The following FRMPD3 variants were observed in gnomAD, a reference collection of about 807,000 sequenced individuals.
The protein encoded by FRMPD3 is FERM and PDZ domain-containing protein 3.
Under a neutral mutation model 97.9 loss-of-function variants are expected in FRMPD3, and 42 were observed. The ratio of observed to expected loss-of-function variants is 0.43; its 90% CI spans 0.34 to 0.55. The LOEUF (loss-of-function observed/expected upper bound fraction) is 0.55. Ranked by LOEUF, FRMPD3 falls within the 20% of genes least tolerant of loss-of-function variation. FRMPD3 has a pLI of 0.03. For missense variants in FRMPD3, 1,303 were observed against 1,457.7 expected, an observed-to-expected ratio of 0.89 and a Z score of 1.73; for synonymous variants, 577 against 581.1, an observed-to-expected ratio of 0.99 and a Z score of 0.10.
intron 13 of FRMPD3, among the ~76,000 whole-genome samples, chrX:107,586,273 G>A (rs577357053): frequency 2.1e-4 from 24 of 111,651 alleles, no homozygotes; most frequent in Middle Eastern, 9.2e-3. Context: ...GTATTTCTGT[G>A]GGGTCAGTAG....
chrX:107,551,342 T>C (rs1442902501), intron 6 of FRMPD3, among the ~76,000 whole-genome samples: 1 of 111,414 alleles, frequency 9.0e-6, no homozygotes, highest in Admixed American at 9.5e-5. Context: ...GAAACAGAAC[T>C]AGACCACCCA....
intron 14 of FRMPD3, among the ~76,000 whole-genome samples, chrX:107,598,369 G>A (rs1412625819): frequency 8.9e-6 from 1 of 112,366 alleles, no homozygotes; most frequent in Non-Finnish European, 1.9e-5. Flanking sequence ...CATCTCTTTG[G>A]AAATGCCTTA....
chrX:107,599,781 C>T (rs1924401717), intron 14 of FRMPD3, among the ~76,000 whole-genome samples: 1 of 110,630 alleles, frequency 9.0e-6, no homozygotes, highest in Non-Finnish European at 1.9e-5. Context: ...CTTCTTATAG[C>T]TTGCCCCTCT....
Position 107,602,772 on chromosome X carries a change from A to G in FRMPD3, c.4733A>G (p.Asn1578Ser), listed in dbSNP as rs916828397. The change falls in exon 15 of 15, where the codon AAT (asparagine) becomes AGT (serine). Residue 1578 changes from asparagine to serine, a missense_variant. This residue lies in a region of FRMPD3 where 764 missense variants were observed against 820.2 expected (regional missense o/e 0.93). Coordinates refer to ENST00000683843, the MANE Select transcript of FRMPD3 (RefSeq NM_001388459.1). ...TTCGAGGGGAGCCTGGCCAAGATCA[A>G]TGCCCTGCGGGCCCATGCCTATGGC... is the stretch of plus-strand genomic sequence containing the variant. ...STFEGSLAKI[N>S]ALRAHAYGLP... 1.2e-5 allele frequency: 15 copies of G among 1,208,966 alleles called. No individual in the cohort carries two copies. The highest frequency in any genetic ancestry group is 1.2e-4 in the African/African-American group (7 of 57,519).
intron 1 of FRMPD3, among the ~76,000 whole-genome samples, chrX:107,504,082 G>T (rs907939662): frequency 8.9e-6 from 1 of 112,480 alleles, no homozygotes; most frequent in South Asian, 3.6e-4. Context: ...GAACAGCCTG[G>T]ATGAGATGGA....
At chrX:107,482,080 G>A (rs1031862077) in intron 1 of FRMPD3, among the ~76,000 whole-genome samples, 4 of 111,147 alleles carry the variant, frequency 3.6e-5, no homozygotes, top group Admixed American at 2.9e-4. Context: ...CAAAACCCCC[G>A]TGAGCTGAGA....
At chrX:107,458,086 G>A (rs1429499103) in intron 1 of FRMPD3, among the ~76,000 whole-genome samples, 1 of 111,443 alleles carries the variant, frequency 9.0e-6, no homozygotes. Flanking sequence ...CTCCTCTGCC[G>A]TCTGGAACAT....
intron 1 of FRMPD3, among the ~76,000 whole-genome samples, chrX:107,452,939 T>A (rs757946055): frequency 5.5e-5 from 6 of 109,734 alleles, no homozygotes; most frequent in African/African-American, 1.7e-4. Flanking sequence ...CAGAGGAGTC[T>A]CGGGTGGGAT....
chrX:107,586,556 C>T (rs1364639345), intron 13 of FRMPD3, among the ~76,000 whole-genome samples: 1 of 111,316 alleles, frequency 9.0e-6, no homozygotes, highest in Non-Finnish European at 1.9e-5. Flanking sequence ...GATTTTAGAT[C>T]TTTCTAGCTT....
intron 12 of FRMPD3, among the ~76,000 whole-genome samples, chrX:107,569,898 C>G (rs891682075): frequency 2.7e-5 from 3 of 110,111 alleles, no homozygotes; most frequent in African/African-American, 1.0e-4. Flanking sequence ...CGCCTGTAAT[C>G]CCAGCTACTC....
At chrX:107,553,834 T>G (rs1921964214) in intron 7 of FRMPD3, among the ~76,000 whole-genome samples, 1 of 111,910 alleles carries the variant, frequency 8.9e-6, no homozygotes, top group African/African-American at 3.2e-5. Flanking sequence ...AATGGGATTT[T>G]AAACTTTTTT....
intron 1 of FRMPD3, among the ~76,000 whole-genome samples, chrX:107,507,758 G>C (rs1454526750): frequency 1.8e-5 from 2 of 112,286 alleles, no homozygotes; most frequent in African/African-American, 6.5e-5. Context: ...GGGGAGAGGG[G>C]CCTGAGATCC....
chrX:107,492,799 G>A, intron 1 of FRMPD3, among the ~76,000 whole-genome samples: 1 of 111,869 alleles, frequency 8.9e-6, no homozygotes, highest in Non-Finnish European at 1.9e-5. Flanking sequence ...CTCTTATGAA[G>A]ACTAGTGTTC....
At chrX:107,493,643 A>G (rs1289262632) in intron 1 of FRMPD3, among the ~76,000 whole-genome samples, 1 of 111,741 alleles carries the variant, frequency 8.9e-6, no homozygotes, top group African/African-American at 3.3e-5. Context: ...TTTTATTCAG[A>G]TCTTGCGACT....
chrX:107,461,812 TATAC>T (rs1246131647), intron 1 of FRMPD3, among the ~76,000 whole-genome samples: 1 of 109,950 alleles, frequency 9.1e-6, no homozygotes, highest in African/African-American at 3.3e-5. Context: ...TACATATACA[TATAC>T]GTGTGTGTGT....
intron 1 of FRMPD3, among the ~76,000 whole-genome samples, chrX:107,473,118 G>A (rs1053505271): frequency 8.9e-6 from 1 of 112,501 alleles, no homozygotes; most frequent in Admixed American, 9.4e-5. Context: ...TTCAGTTTAT[G>A]TAAAAAGATA....
Position 107,601,781 on chromosome X carries a change from G to A in FRMPD3, c.3742G>A (p.Glu1248Lys). The change falls in exon 15 of 15, where the codon GAG becomes AAG. Residue 1248 changes from glutamate to lysine, a missense_variant. Physicochemically the swap from Glu to Lys is moderately conservative, Grantham distance 56 (BLOSUM62 1). Around this residue, in one of 3 missense-constraint regions of FRMPD3, gnomAD observed 764 missense variants for 820.2 expected, o/e 0.93. Transcript: ENST00000683843. ...GCAGAAGGTAAAGCAGTATGAACTG[G>A]AGTTCCTTGAGGAACTTCTAAAGCC... ...QLQKVKQYEL[E>K]FLEELLKPPS... 1 of 1,210,689 alleles carries A rather than the reference G, an allele frequency of 8.3e-7. No individual in the cohort carries two copies. The highest frequency in any genetic ancestry group is 1.1e-6 in the Non-Finnish European group (1 of 895,221).
chrX:107,581,472 A>C lies in FRMPD3; in HGVS notation c.1441+5013A>C, dbSNP rs1923388295. On this transcript the variant is annotated intron_variant, in intron 13 of 14. Transcript: ENST00000683843. ...TGCCCAGAGCTGTGCTTTAAAAAAA[A>C]AAAACAGCTTTGTTTAGATATAATT... is the stretch of plus-strand genomic sequence containing the variant. 3.6e-5 allele frequency among the ~76,000 whole-genome samples: 4 copies of C among 111,134 alleles called. No individual in the cohort carries two copies. In the Middle Eastern group the frequency reaches 0.014, roughly 384 times the overall value.
At chrX:107,469,887 A>G (rs1177790575) in intron 1 of FRMPD3, among the ~76,000 whole-genome samples, 1 of 112,296 alleles carries the variant, frequency 8.9e-6, no homozygotes, top group Non-Finnish European at 1.9e-5. Context: ...TATTTGGGTC[A>G]AAGTTTGATC....
Sources: allele counts gnomAD v4.1 joint callset (sites outside exome capture counted in the v4.1 genomes callset), GRCh38; gene constraint gnomAD v4.1.1; regional missense constraint gnomAD v4.1.1; transcripts MANE v1.5; gene names NCBI Gene and HGNC (gene_info 2026-07-23, HGNC 2026-07-21).